Variants in DNAAF2 observed in about 807,000 individuals in gnomAD.
DNAAF2 encodes protein kintoun.
Under a neutral mutation model 48.8 loss-of-function variants are expected in DNAAF2, and 58 were observed. The observed-to-expected ratio is 1.19, with a 90% confidence interval of 0.96 to 1.48. The LOEUF (loss-of-function observed/expected upper bound fraction) is 1.48, where lower values mean the gene tolerates loss of function less well. Among genes scored for constraint, DNAAF2 ranks in the 40% most tolerant of loss-of-function variants. The pLI is 0.00. For missense variants in DNAAF2, 1,241 were observed against 1,116.1 expected, an observed-to-expected ratio of 1.11 and a Z score of -1.59; for synonymous variants, 567 against 481.2, an observed-to-expected ratio of 1.18 and a Z score of -2.33.
At chr14:49,630,633 T>A (rs1370480656) in intron 1 of DNAAF2, among the ~76,000 whole-genome samples, 1 of 145,182 alleles carries the variant, frequency 6.9e-6, no homozygotes, top group Non-Finnish European at 1.5e-5. Flanking sequence ...TTTCCCAGGT[T>A]GCAGTCCTCT....
intron 2 of DNAAF2, 143 bp downstream of exon 2, chr14:49,627,865 AAAAG>A (rs1456437893): frequency 4.5e-6 from 4 of 882,520 alleles, no homozygotes; most frequent in Non-Finnish European, 6.5e-6. Flanking sequence ...AAAAAAAAAA[AAAAG>A]AAAAACTTTT....
In DNAAF2 at chr14:49,625,571, G is replaced by T; in HGVS notation, c.2485C>A (p.Gln829Lys). 6.2e-7 allele frequency: 1 copy of T among 1,600,392 alleles called. No individual in the cohort carries two copies. Among genetic ancestry groups the T allele is most frequent in the South Asian group, 1.1e-5 (1 of 87,034 alleles). ...DHVTNCAFSFQNSLLYDLD is the reference protein window; with the variant it reads ...DHVTNCAFSFKNSLLYDLD ...TCCAAATCATATAGCAAAGAATTCT[G>T]AAAACTGAATGCACAATTGGTCACA... is the stretch of plus-strand genomic sequence containing the variant. Residue 829 changes from glutamine to lysine, a missense_variant, in exon 3 of 3, where the codon CAG becomes AAG. Gln to Lys is a moderately conservative substitution (Grantham distance 53). Transcript: ENST00000298292.
At chr14:49,630,364 A>G (rs1594605301) in intron 1 of DNAAF2, among the ~76,000 whole-genome samples, 1 of 152,186 alleles carries the variant, frequency 6.6e-6, no homozygotes, top group Non-Finnish European at 1.5e-5. Context: ...CAGTTTGTTC[A>G]TGTCAAGTGA....
chr14:49,628,052 A>T lies in DNAAF2; in HGVS notation c.1967T>A (p.Val656Asp), dbSNP rs1883055629. Residue 656 changes from valine (V) to aspartate (D), a missense_variant, in exon 2 of 3, where the codon GTT becomes GAT. Transcript: ENST00000298292. ...AATCTTATTATCAGTAACTTGAAGA[A>T]CTTCAATTAATGGTGGGGTCAAGGA... ...SMSLTPPLIE[V>D]LQVTDNKIQI... is the part of the protein sequence containing the mutation. 1 of 1,573,578 alleles carries T rather than the reference A, an allele frequency of 6.4e-7. No homozygotes were observed. Among genetic ancestry groups the T allele is most frequent in the African/African-American group, 1.3e-5 (1 of 74,088 alleles).
rs781218822 is a variant in DNAAF2, at chr14:49,633,548, C to T, written c.1602G>A (p.Leu534=). The T allele has an allele frequency of 4.3e-6, 7 of 1,613,924 alleles. No individual in the cohort carries two copies. Among genetic ancestry groups the T allele is most frequent in the South Asian group, 1.1e-5 (1 of 91,078 alleles). Residue 534 remains leucine (L), a synonymous_variant, in exon 1 of 3, where the codon TTG becomes TTA. Coordinates refer to ENST00000298292, the MANE Select transcript of DNAAF2 (RefSeq NM_018139.3). ...PLLCNQDKET[L]TLLIQVPRIQ... ...TCCGAGGCACCTGAATGAGCAGAGT[C>T]AAGGTTTCTTTGTCCTGATTACACA...
At chr14:49,630,844 G>A (rs946707940) in intron 1 of DNAAF2, among the ~76,000 whole-genome samples, 4 of 151,686 alleles carry the variant, frequency 2.6e-5, no homozygotes, top group Admixed American at 6.6e-5. Flanking sequence ...TCCACCTCCC[G>A]GGTTCAAGCA....
chr14:49,632,494 G>A (rs568727894), intron 1 of DNAAF2, among the ~76,000 whole-genome samples: 1 of 151,196 alleles, frequency 6.6e-6, no homozygotes, highest in African/African-American at 2.4e-5. Context: ...TGCCCAGGCT[G>A]GAGTGCAGTA....
Position 49,625,736 on chromosome 14 carries a change from C to G in DNAAF2, c.2320G>C (p.Val774Leu), listed in dbSNP as rs769923434. 2.4e-5 allele frequency: 39 copies of G among 1,613,286 alleles called. 2 individuals are homozygous for G. In the South Asian group the frequency reaches 4.0e-4, roughly 16 times the overall value. ...NEEKDNLNES[V>L]ITEEKETDGD... is the part of the protein sequence containing the mutation. ...TCTGTTTCTTTCTCTTCAGTTATTA[C>G]TGACTCGTTTAAGTTATCTTTTTCC... The change falls in exon 3 of 3, where the codon GTA becomes CTA. Residue 774 changes from valine (V) to leucine (L), a missense_variant. Physicochemically the swap from Val to Leu is conservative, Grantham distance 32. Transcript: ENST00000298292.
At chr14:49,630,988 A>G (rs961427751) in intron 1 of DNAAF2, among the ~76,000 whole-genome samples, 10 of 152,190 alleles carry the variant, frequency 6.6e-5, no homozygotes, top group African/African-American at 2.4e-4. Context: ...TGACCTCGTG[A>G]TCTGCCTGCT....
Position 49,634,633 on chromosome 14 carries a change from C to G in DNAAF2, c.517G>C (p.Glu173Gln). Reference protein sequence around the residue: ...MLDATALEAVEKQFGVKLDRR... With the variant: ...MLDATALEAVQKQFGVKLDRR... ...TCCAGCTTCACGCCGAACTGCTTCTCGACGGCCTCCAGGGCCGTGGCGTCC... is the reference window on the plus strand; with the variant it reads ...TCCAGCTTCACGCCGAACTGCTTCTGGACGGCCTCCAGGGCCGTGGCGTCC... Residue 173 changes from glutamate (E) to glutamine (Q), a missense_variant, in exon 1 of 3, where the codon GAG (glutamate) becomes CAG (glutamine). By Grantham distance (29) the Glu-to-Gln change is conservative. Coordinates refer to ENST00000298292, the MANE Select transcript of DNAAF2 (RefSeq NM_018139.3). 1.9e-6 allele frequency: 3 copies of G among 1,607,114 alleles called. No homozygotes were observed. The highest frequency in any genetic ancestry group is 2.5e-6 in the Non-Finnish European group (3 of 1,179,700).
In DNAAF2 at chr14:49,628,068, G is replaced by C. The variant is rs1426732761; in HGVS notation, c.1951C>G (p.Pro651Ala). Residue 651 changes from proline to alanine, a missense_variant, in exon 2 of 3, where the codon CCA (proline) becomes GCA (alanine). By Grantham distance (27) the Pro-to-Ala change is conservative (BLOSUM62 -1). Coordinates refer to ENST00000298292, the MANE Select transcript of DNAAF2 (RefSeq NM_018139.3). ...ACTTGAAGAACTTCAATTAATGGTG[G>C]GGTCAAGGACATAGACTGTTTGAAT... is the stretch of plus-strand genomic sequence containing the variant. Reference protein sequence around the residue: ...SPFKQSMSLTPPLIEVLQVTD... With the variant: ...SPFKQSMSLTAPLIEVLQVTD... The C allele has an allele frequency of 6.3e-7, 1 of 1,580,192 alleles. No individual in the cohort carries two copies. The highest frequency in any genetic ancestry group is 1.8e-5 in the Admixed American group (1 of 54,668).
In DNAAF2 at chr14:49,634,912, T is replaced by G. The variant is rs1883300171; in HGVS notation, c.238A>C (p.Thr80Pro). 2 of 1,551,982 alleles carry G rather than the reference T, an allele frequency of 1.3e-6. No homozygotes were observed. The highest frequency in any genetic ancestry group is 8.7e-7 in the Non-Finnish European group (1 of 1,147,640). Reference sequence around the variant, plus strand: ...CAGCGCCGCGCCCCGTCCAGGCTGGTGCGCAGCACATGGCCGGGCTCCGGG... The same window carrying G: ...CAGCGCCGCGCCCCGTCCAGGCTGGGGCGCAGCACATGGCCGGGCTCCGGG... The part of the protein sequence containing the change: ...VHPEPGHVLR[T>P]SLDGARRCFV... The change falls in exon 1 of 3, where the codon ACC becomes CCC. Residue 80 changes from threonine (T) to proline (P), a missense_variant. Transcript: ENST00000298292.
chr14:49,632,990 T>C (rs185981907), intron 1 of DNAAF2, among the ~76,000 whole-genome samples: 175 of 151,828 alleles, frequency 1.2e-3, no homozygotes, highest in Middle Eastern at 6.9e-3. Context: ...GGCGCGATCT[T>C]GGCTCACTGC....
rs1010240843 is a variant in DNAAF2 at position 49,628,075 on chromosome 14, G to C, written c.1944C>G (p.Ser648=). The C allele has an allele frequency of 6.3e-7, 1 of 1,584,324 alleles. No homozygotes were observed. Among genetic ancestry groups the C allele is most frequent in the Admixed American group, 1.8e-5 (1 of 55,490 alleles). The change falls in exon 2 of 3, where the codon TCC becomes TCG. Residue 648 remains serine, a synonymous_variant. Transcript: ENST00000298292. ...GAACTTCAATTAATGGTGGGGTCAA[G>C]GACATAGACTGTTTGAATGGAGAGC... ...VLSSPFKQSM[S]LTPPLIEVLQ...
chr14:49,625,699 A>AG lies in DNAAF2; in HGVS notation c.2356dup (p.Leu786ProfsTer28). On this transcript the variant is annotated frameshift_variant, in exon 3 of 3. Transcript: ENST00000298292. LOFTEE classifies it high-confidence loss of function. Reference sequence around the variant, plus strand: ...CGTAGTTTTGTTCAGTAATGAAGATAGGTGATCTCCATCTGTTTCTTTCTC... The same window carrying AG: ...CGTAGTTTTGTTCAGTAATGAAGATAGGGTGATCTCCATCTGTTTCTTTCTC... 6.2e-7 allele frequency: 1 copy of AG among 1,613,748 alleles called. No homozygotes were observed. The highest frequency in any genetic ancestry group is 8.5e-7 in the Non-Finnish European group (1 of 1,179,758).
At position 49,634,850 on chromosome 14, in the gene DNAAF2, C is replaced by A; in HGVS notation, c.300G>T (p.Ala100=). The change falls in exon 1 of 3, where the codon GCG becomes GCT. Residue 100 remains alanine (A), a synonymous_variant. Coordinates refer to ENST00000298292, the MANE Select transcript of DNAAF2 (RefSeq NM_018139.3). ...VNVCSNALVG[A]PSSRPGSGGD... is the part of the protein sequence containing the mutation. ...CACCGGAGCCGGGCCGGCTGCTGGG[C>A]GCGCCCACCAACGCGTTGCTGCAGA... is the stretch of plus-strand genomic sequence containing the variant. 1 of 1,545,840 alleles carries A rather than the reference C, an allele frequency of 6.5e-7. No individual in the cohort carries two copies.
chr14:49,626,850 G>A (rs1181098886), intron 2 of DNAAF2, among the ~76,000 whole-genome samples: 1 of 124,382 alleles, frequency 8.0e-6, no homozygotes, highest in African/African-American at 3.1e-5. Context: ...CTGTCGCCCA[G>A]GCTGGAGTGC....
Position 49,634,536 on chromosome 14 carries a change from A to T in DNAAF2, c.614T>A (p.Leu205Gln). 1 of 1,602,400 alleles carries T rather than the reference A, an allele frequency of 6.2e-7. No individual in the cohort carries two copies. Among genetic ancestry groups the T allele is most frequent in the Non-Finnish European group, 8.5e-7 (1 of 1,179,582 alleles). Residue 205 changes from leucine (L) to glutamine (Q), a missense_variant, in exon 1 of 3, where the codon CTG (leucine) becomes CAG (glutamine). By Grantham distance (113) the Leu-to-Gln change is moderately radical. Coordinates refer to ENST00000298292, the MANE Select transcript of DNAAF2 (RefSeq NM_018139.3). ...TPEAAVLRTP[L>Q]PGVIPARPDG... ...AGGCCTTGCGGGGATGACCCCGGGC[A>T]GGGGCGTGCGCAGCACCGCAGCCTC...
chr14:49,635,093 C>A lies in DNAAF2; in HGVS notation c.57G>T (p.Glu19Asp). 1 of 1,580,500 alleles carries A rather than the reference C, an allele frequency of 6.3e-7. No individual in the cohort carries two copies. Among genetic ancestry groups the A allele is most frequent in the East Asian group, 2.3e-5 (1 of 42,832 alleles). ...GGAAGGCGGAGGTGAGCCGCTGGAC[C>A]TCCTCTCCGCTCAGGTCCAAGTCCT... The part of the protein sequence containing the change: ...SLEDLDLSGE[E>D]VQRLTSAFQD... The change falls in exon 1 of 3, where the codon GAG becomes GAT. Residue 19 changes from glutamate (E) to aspartate (D), a missense_variant. Transcript: ENST00000298292.
Sources: allele counts gnomAD v4.1 joint callset (sites outside exome capture counted in the v4.1 genomes callset), GRCh38; gene constraint gnomAD v4.1.1; transcripts MANE v1.5; gene names NCBI Gene and HGNC (gene_info 2026-07-23, HGNC 2026-07-21).